Variants in SEC24B observed in about 807,000 individuals in gnomAD.
The protein encoded by SEC24B is SEC24 homolog B, COPII component, also known as protein transport protein Sec24B.
In SEC24B, 45 loss-of-function variants were observed where a neutral mutation model predicts 142.8. That is an observed-to-expected ratio of 0.32 (90% CI 0.25 to 0.40). The LOEUF is 0.40. Ranked by LOEUF, SEC24B falls within the 10% of genes least tolerant of loss-of-function variation. SEC24B has a pLI of 1.00. For missense variants in SEC24B, 1,409 were observed against 1,526.8 expected (o/e 0.92, Z 1.29); for synonymous variants, 574 against 568.2 (o/e 1.01, Z -0.15).
intron 1 of SEC24B, among the ~76,000 whole-genome samples, chr4:109,446,634 G>A (rs1448737312): frequency 1.3e-5 from 2 of 152,094 alleles, no homozygotes; most frequent in Non-Finnish European, 2.9e-5. Context: ...ATTTCTTTTT[G>A]TTAAAAACAC....
chr4:109,502,067 T>G (rs1313298545), intron 6 of SEC24B, among the ~76,000 whole-genome samples: 3 of 152,168 alleles, frequency 2.0e-5, no homozygotes, highest in African/African-American at 7.2e-5. Flanking sequence ...TTGTAGAAGT[T>G]AGGTTTGAGT....
intron 6 of SEC24B, among the ~76,000 whole-genome samples, chr4:109,503,432 G>A (rs1156695133): frequency 1.3e-5 from 2 of 152,022 alleles, no homozygotes; most frequent in African/African-American, 4.8e-5. Flanking sequence ...CACCATGTTG[G>A]CCAGGCTGGT....
At chr4:109,465,567 A>G (rs1266681194) in intron 2 of SEC24B, among the ~76,000 whole-genome samples, 2 of 152,108 alleles carry the variant, frequency 1.3e-5, no homozygotes, top group African/African-American at 2.4e-5. Flanking sequence ...TCAACATTCT[A>G]TTTACAGATC....
At position 109,499,313 on chromosome 4, in the gene SEC24B, A is replaced by G. The variant is rs17040493; in HGVS notation, c.1488+4457A>G. Among the ~76,000 whole-genome samples, 1,325 of 152,304 alleles carry G rather than the reference A, an allele frequency of 8.7e-3. 24 individuals are homozygous for G. Among genetic ancestry groups the G allele is most frequent in the African/African-American group, 0.03 (1,265 of 41,556 alleles). On this transcript the variant is annotated intron_variant, in intron 6 of 23. Transcript: ENST00000265175. ...TATCTTTCATCATTTTGGGACTTGT[A>G]TGTTTTATAATGAGTCTCCCATTTG...
intron 1 of SEC24B, chr4:109,450,875 A>G (rs1270004632): frequency 6.8e-6 from 1 of 148,088 alleles, no homozygotes. Context: ...TTAATTTCCT[A>G]TTTCTGCCAG....
chr4:109,472,312 A>G (rs1482077300), intron 2 of SEC24B, among the ~76,000 whole-genome samples: 1 of 152,220 alleles, frequency 6.6e-6, no homozygotes, highest in Non-Finnish European at 1.5e-5. Flanking sequence ...GATTACCTTC[A>G]ATAACTTACC....
At chr4:109,468,225 T>C (rs1732160829) in intron 2 of SEC24B, among the ~76,000 whole-genome samples, 1 of 152,238 alleles carries the variant, frequency 6.6e-6, no homozygotes, top group Non-Finnish European at 1.5e-5. Context: ...TGTAGAGTTA[T>C]GGGAATAGCG....
intron 6 of SEC24B, among the ~76,000 whole-genome samples, chr4:109,495,607 G>A (rs1735460489): frequency 1.3e-5 from 2 of 152,164 alleles, no homozygotes; most frequent in Non-Finnish European, 2.9e-5. Flanking sequence ...TCGCAGATCG[G>A]TTCGATTAGT....
chr4:109,507,238 T>C (rs1736785914), intron 7 of SEC24B, among the ~76,000 whole-genome samples: 2 of 151,924 alleles, frequency 1.3e-5, no homozygotes, highest in South Asian at 4.2e-4. Context: ...TTTCTCCTCC[T>C]CATAAAGTAA....
intron 1 of SEC24B, among the ~76,000 whole-genome samples, chr4:109,455,080 A>G (rs1730522499): frequency 2.0e-5 from 3 of 152,160 alleles, no homozygotes; most frequent in Admixed American, 1.3e-4. Flanking sequence ...ATAAATTTGT[A>G]TGTCTTTTAT....
At chr4:109,446,488 A>G (rs1729475699) in intron 1 of SEC24B, among the ~76,000 whole-genome samples, 1 of 152,238 alleles carries the variant, frequency 6.6e-6, no homozygotes, top group South Asian at 2.1e-4. Context: ...ACTCTAAGAG[A>G]ATAAATTTGT....
chr4:109,492,303 T>C (rs1262524874), intron 5 of SEC24B, among the ~76,000 whole-genome samples: 1 of 152,122 alleles, frequency 6.6e-6, no homozygotes, highest in Non-Finnish European at 1.5e-5. Flanking sequence ...ATTTTTCCCC[T>C]AGGAATTTTG....
chr4:109,468,619 GAGGAAGAACCTAGATC>G (rs1475929547), intron 2 of SEC24B, among the ~76,000 whole-genome samples: 1 of 152,178 alleles, frequency 6.6e-6, no homozygotes, highest in Non-Finnish European at 1.5e-5. Flanking sequence ...ATAACTGGAG[GAGGAAGAACCTAGATC>G]AGGAAAACGA....
rs1451775186 is a variant in SEC24B at position 109,434,018 on chromosome 4, C to T, written c.133+16C>T. 71 of 1,123,882 alleles carry T rather than the reference C, an allele frequency of 6.3e-5. 1 individual carries two copies. The highest frequency in any genetic ancestry group is 7.0e-5 in the Non-Finnish European group (64 of 920,256). 69.6% of individuals were successfully genotyped at this position (1,123,882 alleles called of 1,614,324 possible). A position where few individuals can be genotyped will look rare whatever the true frequency, so the allele number is the denominator to read the frequency against. On this transcript the variant is annotated intron_variant, in intron 1 of 23. Coordinates refer to ENST00000265175, the MANE Select transcript of SEC24B (RefSeq NM_006323.5). ...CAGCAGAACGGTGAGGCGGGCGGCC[C>T]GGGCGGAGCGCGGGGCCTAGCACCG...
intron 3 of SEC24B, among the ~76,000 whole-genome samples, chr4:109,474,621 T>C (rs1561104481): frequency 1.3e-5 from 2 of 152,042 alleles, no homozygotes; most frequent in South Asian, 2.1e-4. Context: ...GATGGGGTTT[T>C]ACCATGTTGA....
chr4:109,462,929 A>G lies in SEC24B; in HGVS notation c.162A>G (p.Pro54=). The change falls in exon 2 of 24, where the codon CCA becomes CCG. Residue 54 remains proline (P), a synonymous_variant. Transcript: ENST00000265175. ...NGPAQNQMQV[P]SGYGLHHQNY... ...CAGCCCAGAATCAAATGCAGGTTCC[A>G]TCTGGATATGGATTGCATCATCAAA... 6.2e-7 allele frequency: 1 copy of G among 1,611,064 alleles called. No homozygotes were observed. Among genetic ancestry groups the G allele is most frequent in the Non-Finnish European group, 8.5e-7 (1 of 1,179,858 alleles).
intron 4 of SEC24B, among the ~76,000 whole-genome samples, chr4:109,489,469 C>T (rs1397246807): frequency 6.6e-6 from 1 of 151,696 alleles, no homozygotes; most frequent in East Asian, 1.9e-4. Flanking sequence ...CAGTGTTGTG[C>T]AGTCCCCACT....
intron 1 of SEC24B, chr4:109,451,140 T>G (rs1730038410): frequency 6.6e-6 from 1 of 152,218 alleles, no homozygotes; most frequent in Non-Finnish European, 1.5e-5. Context: ...TTTAATCCCA[T>G]TTTAAAATTT....
At chr4:109,442,198 A>G (rs1305786946) in intron 1 of SEC24B, among the ~76,000 whole-genome samples, 1 of 152,166 alleles carries the variant, frequency 6.6e-6, no homozygotes, top group East Asian at 1.9e-4. Flanking sequence ...TACTGTGTAT[A>G]CTGACCACTA....
Sources: gnomAD v4.1 joint callset for allele counts (sites outside exome capture counted in the v4.1 genomes callset) on GRCh38, gnomAD v4.1.1 for gene constraint, MANE v1.5 for transcripts, NCBI Gene and HGNC (gene_info 2026-07-23, HGNC 2026-07-21) for gene names.